Variants in CNTN5 observed in about 807,000 individuals in gnomAD.
The protein encoded by CNTN5 is contactin 5, also known as contactin-5.
CNTN5 carries 77 observed loss-of-function variants against 129.1 expected under a neutral mutation model. The observed-to-expected ratio is 0.60, with a 90% confidence interval of 0.50 to 0.72. CNTN5 has a LOEUF of 0.72. Among genes scored for constraint, CNTN5 ranks in the 30% least tolerant of loss-of-function variants. The pLI, the probability that CNTN5 is intolerant of heterozygous loss-of-function variation, is 0.00. For missense variants in CNTN5, 1,478 were observed against 1,328.8 expected (o/e 1.11, Z -1.75); for synonymous variants, 509 against 465.6 (o/e 1.09, Z -1.20).
chr11:99,471,968 C>T (rs1040539714), intron 2 of CNTN5, among the ~76,000 whole-genome samples: 3 of 152,074 alleles, frequency 2.0e-5, no homozygotes, highest in Non-Finnish European at 4.4e-5. Context: ...TCACAGGGAC[C>T]AAGATACATA....
chr11:99,697,606 G>C (rs950637607), intron 3 of CNTN5, among the ~76,000 whole-genome samples: 1 of 151,466 alleles, frequency 6.6e-6, no homozygotes, highest in Non-Finnish European at 1.5e-5. Context: ...GTTGAATAAT[G>C]TAAAATGGGA....
intron 3 of CNTN5, among the ~76,000 whole-genome samples, chr11:99,698,129 G>A (rs1954354052): frequency 6.7e-6 from 1 of 148,708 alleles, no homozygotes; most frequent in Admixed American, 6.7e-5. Context: ...TTAATTCATT[G>A]TTGTAGTAGC....
chr11:100,014,733 G>C (rs1940732713), intron 9 of CNTN5, among the ~76,000 whole-genome samples: 1 of 151,968 alleles, frequency 6.6e-6, no homozygotes, highest in Admixed American at 6.6e-5. Context: ...CCTTATTCCT[G>C]GTTTCCAAAT....
chr11:99,529,940 G>T (rs968070843), intron 2 of CNTN5, among the ~76,000 whole-genome samples: 1 of 152,066 alleles, frequency 6.6e-6, no homozygotes, highest in African/African-American at 2.4e-5. Context: ...CATAATTGAA[G>T]TTTCCTTTAA....
chr11:99,600,322 G>A (rs557850333), intron 3 of CNTN5, among the ~76,000 whole-genome samples: 7 of 152,230 alleles, frequency 4.6e-5, no homozygotes, highest in Middle Eastern at 6.8e-3. Context: ...TAAGACCAGC[G>A]TAGAAGGTTC....
At chr11:99,179,291 A>C (rs1209276852) in intron 1 of CNTN5, among the ~76,000 whole-genome samples, 2 of 151,890 alleles carry the variant, frequency 1.3e-5, no homozygotes, top group Non-Finnish European at 2.9e-5. Flanking sequence ...AAAATACAAA[A>C]ATTAGCCGGG....
chr11:99,197,762 T>A (rs1489962634), intron 1 of CNTN5, among the ~76,000 whole-genome samples: 1 of 152,082 alleles, frequency 6.6e-6, no homozygotes, highest in African/African-American at 2.4e-5. Flanking sequence ...GGATTGAAGT[T>A]TATCCCAATT....
chr11:100,255,627 CAATTTT>C, intron 16 of CNTN5, 127 bp from the exon 17 acceptor site: 5 of 745,228 alleles, frequency 6.7e-6, no homozygotes, highest in Non-Finnish European at 1.0e-5. Context: ...TTTTTGTTGT[CAATTTT>C]AATTACTAAA....
At chr11:99,705,794 G>A (rs1430617842) in intron 3 of CNTN5, among the ~76,000 whole-genome samples, 1 of 151,422 alleles carries the variant, frequency 6.6e-6, no homozygotes, top group Admixed American at 6.6e-5. Flanking sequence ...TTTTTGAACA[G>A]AGACTGTGGA....
At chr11:99,651,154 T>G (rs1402571745) in intron 3 of CNTN5, among the ~76,000 whole-genome samples, 1 of 151,936 alleles carries the variant, frequency 6.6e-6, no homozygotes, top group South Asian at 2.1e-4. Context: ...AGGTGAATAA[T>G]TTGAGGACAT....
chr11:99,293,397 TG>T (rs927985951), intron 1 of CNTN5, among the ~76,000 whole-genome samples: 1 of 152,152 alleles, frequency 6.6e-6, no homozygotes, highest in African/African-American at 2.4e-5. Context: ...TTTCTTTTTT[TG>T]TTGTGCCTTT....
At chr11:99,128,491 C>T (rs1405912488) in intron 1 of CNTN5, among the ~76,000 whole-genome samples, 1 of 152,210 alleles carries the variant, frequency 6.6e-6, no homozygotes, top group Non-Finnish European at 1.5e-5. Flanking sequence ...TTGTCCTCTG[C>T]CAGGGACAGA....
intron 1 of CNTN5, among the ~76,000 whole-genome samples, chr11:99,112,606 A>C (rs2135385759): frequency 6.6e-6 from 1 of 152,168 alleles, no homozygotes; most frequent in African/African-American, 2.4e-5. Context: ...TGAAAGCCTT[A>C]AAATCCATGA....
chr11:99,270,364 G>A (rs2510682), intron 1 of CNTN5, among the ~76,000 whole-genome samples: 119,844 of 151,634 alleles, frequency 0.79, 48,052 homozygotes, highest in African/African-American at 0.93. Flanking sequence ...CATCCCTGTC[G>A]TTATGCTATA....
intron 15 of CNTN5, among the ~76,000 whole-genome samples, chr11:100,215,813 T>C (rs894196388): frequency 3.9e-5 from 6 of 152,114 alleles, no homozygotes; most frequent in African/African-American, 1.4e-4. Context: ...GCAGAATCAA[T>C]GCCCTGGAAG....
chr11:100,134,719 A>G (rs996083384), intron 13 of CNTN5, among the ~76,000 whole-genome samples: 7 of 152,126 alleles, frequency 4.6e-5, no homozygotes, highest in African/African-American at 1.7e-4. Context: ...GCCTCTATCA[A>G]TTTCTACCAA....
At chr11:99,627,973 G>T (rs1951191091) in intron 3 of CNTN5, among the ~76,000 whole-genome samples, 1 of 149,512 alleles carries the variant, frequency 6.7e-6, no homozygotes, top group African/African-American at 2.5e-5. Flanking sequence ...CAAATTGTAG[G>T]CATTTCATTC....
chr11:99,286,342 A>G (rs1179879619), intron 1 of CNTN5, among the ~76,000 whole-genome samples: 1 of 152,150 alleles, frequency 6.6e-6, no homozygotes, highest in Non-Finnish European at 1.5e-5. Flanking sequence ...CTGAGCTGCT[A>G]AGGAAGTAAA....
intron 2 of CNTN5, among the ~76,000 whole-genome samples, chr11:99,379,458 T>C (rs1207677437): frequency 6.6e-6 from 1 of 152,166 alleles, no homozygotes; most frequent in East Asian, 1.9e-4. Context: ...ATTAGAGTTT[T>C]ACCTCAAGTG....
Sources: allele counts gnomAD v4.1 joint callset (sites outside exome capture counted in the v4.1 genomes callset), GRCh38; gene constraint gnomAD v4.1.1; transcripts MANE v1.5; gene names NCBI Gene and HGNC (gene_info 2026-07-23, HGNC 2026-07-21).